Variants in TDRP observed in about 807,000 individuals in gnomAD.
TDRP encodes the protein testis development-related protein.
A neutral mutation model predicts 10.5 loss-of-function variants in TDRP; 12 were observed. That is an observed-to-expected ratio of 1.15 (90% CI 0.73 to 1.86). TDRP has a LOEUF of 1.86. Ranked by LOEUF, TDRP falls within the 40% of genes most tolerant of loss-of-function variation. TDRP has a pLI of 0.00. For synonymous variants in TDRP, 139 were observed against 95.4 expected, an observed-to-expected ratio of 1.46 and a Z score of -2.67; for missense variants, 353 against 229.2, an observed-to-expected ratio of 1.54 and a Z score of -3.49.
intron 1 of TDRP, among the ~76,000 whole-genome samples, chr8:539,736 T>C (rs1048333398): frequency 6.6e-6 from 1 of 152,166 alleles, no homozygotes; most frequent in Non-Finnish European, 1.5e-5. Flanking sequence ...TTTTCTGGAT[T>C]TCAGAGCGAT....
At chr8:538,051 T>A (rs1802391533) in intron 1 of TDRP, among the ~76,000 whole-genome samples, 1 of 152,180 alleles carries the variant, frequency 6.6e-6, no homozygotes, top group South Asian at 2.1e-4. Context: ...TCACCACTGA[T>A]AAAGAAAAAG....
At chr8:542,825 C>A (rs1044583850) in intron 1 of TDRP, among the ~76,000 whole-genome samples, 10 of 149,046 alleles carry the variant, frequency 6.7e-5, no homozygotes, top group African/African-American at 2.2e-4. Flanking sequence ...CCACTGCACC[C>A]CACCCTGGGC....
At chr8:527,634 T>C (rs942233604) in intron 1 of TDRP, among the ~76,000 whole-genome samples, 1 of 152,204 alleles carries the variant, frequency 6.6e-6, no homozygotes, top group East Asian at 1.9e-4. Flanking sequence ...TTTACAAAGA[T>C]ACCAAGAACA....
intron 1 of TDRP, among the ~76,000 whole-genome samples, chr8:527,846 G>A (rs574437868): frequency 6.6e-6 from 1 of 152,182 alleles, no homozygotes; most frequent in Admixed American, 6.5e-5. Flanking sequence ...CCAGGACATT[G>A]GACTAAGCAA....
At chr8:501,008 C>T (rs148819997) in intron 1 of TDRP, among the ~76,000 whole-genome samples, 2,741 of 152,222 alleles carry the variant, frequency 0.018, 72 homozygotes, top group East Asian at 0.16. Context: ...AGATCGAGAC[C>T]ATCCTGGCTA....
intron 1 of TDRP, among the ~76,000 whole-genome samples, chr8:505,860 G>A (rs376028205): frequency 4.6e-5 from 7 of 152,132 alleles, no homozygotes; most frequent in African/African-American, 7.2e-5. Flanking sequence ...AAGTCAGCAC[G>A]TAGGCAGACA....
intron 1 of TDRP, among the ~76,000 whole-genome samples, chr8:521,011 A>T (rs1170263629): frequency 2.0e-5 from 3 of 152,096 alleles, no homozygotes; most frequent in East Asian, 3.9e-4. Context: ...TGCCAAATCC[A>T]ATGCCCTGAA....
At chr8:538,378 T>C (rs138931271) in intron 1 of TDRP, among the ~76,000 whole-genome samples, 9 of 152,308 alleles carry the variant, frequency 5.9e-5, no homozygotes, top group East Asian at 5.8e-4. Context: ...CTGGGTCAGA[T>C]AGAGTCTGTT....
At chr8:545,058 T>G (rs1202553777), upstream of TDRP, 47 of 73,680 alleles carry the variant, frequency 6.4e-4, no homozygotes, top group South Asian at 7.2e-4. Context: ...CCCCCAAACC[T>G]TCCCCAGGAC....
chr8:538,132 C>T (rs1195028570), intron 1 of TDRP, among the ~76,000 whole-genome samples: 1 of 152,174 alleles, frequency 6.6e-6, no homozygotes, highest in Non-Finnish European at 1.5e-5. Flanking sequence ...TTTGGTTCAG[C>T]TCCCAACAGG....
intron 1 of TDRP, among the ~76,000 whole-genome samples, chr8:543,997 C>T (rs1802569086): frequency 6.6e-6 from 1 of 152,042 alleles, no homozygotes; most frequent in Non-Finnish European, 1.5e-5. Context: ...CTTTCAATTA[C>T]AAAATTCTAG....
rs554925721 is a variant in TDRP, at chr8:494,433, C to T, written c.212+61G>A. 7.2e-6 allele frequency: 11 copies of T among 1,520,224 alleles called. No homozygotes were observed. The South Asian group carries it at 1.1e-4, about 16-fold the overall frequency. 94.2% of individuals were successfully genotyped at this position (1,520,224 alleles called of 1,614,324 possible). Reference sequence around the variant, plus strand: ...TTATGCCATCAAATCTTCATTTCCACCTCCTCAGTGACTTCCTCCCTCTCC... The same window carrying T: ...TTATGCCATCAAATCTTCATTTCCATCTCCTCAGTGACTTCCTCCCTCTCC... On this transcript the variant is annotated intron_variant, in intron 2 of 2. Coordinates refer to ENST00000324079, the MANE Select transcript of TDRP (RefSeq NM_001384899.1).
intron 1 of TDRP, among the ~76,000 whole-genome samples, chr8:498,055 C>A (rs1259216010): frequency 6.6e-6 from 1 of 152,132 alleles, no homozygotes; most frequent in Non-Finnish European, 1.5e-5. Context: ...GTAGAGCCCT[C>A]AAGAAGAACC....
At chr8:505,805 C>G (rs1031963995) in intron 1 of TDRP, among the ~76,000 whole-genome samples, 1 of 152,216 alleles carries the variant, frequency 6.6e-6, no homozygotes, top group Non-Finnish European at 1.5e-5. Context: ...AACTCTCAAA[C>G]TGCAGGGTCC....
intron 1 of TDRP, among the ~76,000 whole-genome samples, chr8:517,157 G>C (rs896978862): frequency 6.6e-6 from 1 of 152,102 alleles, no homozygotes; most frequent in African/African-American, 2.4e-5. Flanking sequence ...GAGACCTTAA[G>C]ACTGACAGAA....
chr8:520,339 T>G (rs1801869656), intron 1 of TDRP, among the ~76,000 whole-genome samples: 1 of 152,212 alleles, frequency 6.6e-6, no homozygotes. Context: ...TATATTTTCC[T>G]TATCTATTAA....
intron 1 of TDRP, among the ~76,000 whole-genome samples, chr8:539,935 G>T (rs1402030364): frequency 6.6e-6 from 1 of 152,176 alleles, no homozygotes; most frequent in African/African-American, 2.4e-5. Context: ...TCTTTGCAAT[G>T]TCTACAGAAT....
intron 1 of TDRP, among the ~76,000 whole-genome samples, chr8:502,714 A>ATGTG (rs1801338034): frequency 6.7e-6 from 1 of 149,024 alleles, no homozygotes; most frequent in Non-Finnish European, 1.5e-5. Context: ...CTCAGCACAC[A>ATGTG]TCAACACAGA....
chr8:536,945 C>G (rs755501206), intron 1 of TDRP, among the ~76,000 whole-genome samples: 3 of 152,168 alleles, frequency 2.0e-5, no homozygotes, highest in Non-Finnish European at 4.4e-5. Context: ...GACTGAGTAT[C>G]TGACTCAGCT....
Sources: gnomAD v4.1 joint callset for allele counts (sites outside exome capture counted in the v4.1 genomes callset) on GRCh38, gnomAD v4.1.1 for gene constraint, MANE v1.5 for transcripts, NCBI Gene and HGNC (gene_info 2026-07-23, HGNC 2026-07-21) for gene names.